Variants in EPS8 observed in about 807,000 individuals in gnomAD.
EPS8 encodes epidermal growth factor receptor kinase substrate 8.
Under a neutral mutation model 103.8 loss-of-function variants are expected in EPS8, and 42 were observed. The ratio of observed to expected loss-of-function variants is 0.40; its 90% CI spans 0.32 to 0.52. EPS8 has a LOEUF of 0.52. EPS8 is among the 20% of genes least tolerant of loss of function. The probability of loss-of-function intolerance (pLI) is 0.40; values close to 1 mark genes in which losing one functional copy is unlikely to be tolerated. For synonymous variants in EPS8, 344 were observed against 344.6 expected (o/e 1.00, Z 0.02); for missense variants, 969 against 1,005.1 (o/e 0.96, Z 0.49).
chr12:15,626,543 C>T (rs888357181), intron 18 of EPS8, among the ~76,000 whole-genome samples: 6 of 150,232 alleles, frequency 4.0e-5, no homozygotes, highest in African/African-American at 1.5e-4. Flanking sequence ...GCAGGAGAAT[C>T]TCTTGAACCC....
chr12:15,712,834 C>T (rs557080775), intron 1 of EPS8: 5 of 983,158 alleles, frequency 5.1e-6, no homozygotes, highest in Non-Finnish European at 6.0e-6. Context: ...AAAATATTAA[C>T]AAATTCAAAC....
intron 1 of EPS8, chr12:15,732,751 C>A: frequency 1.0e-6 from 1 of 981,970 alleles, no homozygotes; most frequent in South Asian, 4.7e-5. Flanking sequence ...AAAGTACTTG[C>A]CAGATTACTC....
intron 8 of EPS8, chr12:15,662,451 T>C (rs1945622684): frequency 9.9e-7 from 1 of 1,009,094 alleles, no homozygotes; most frequent in Non-Finnish European, 1.2e-6. Context: ...CAGTCAAGCT[T>C]TTACTTCTCA....
chr12:15,658,008 T>A (rs1226498314), intron 12 of EPS8, 71 bp downstream of exon 12: 1 of 905,762 alleles, frequency 1.1e-6, no homozygotes, highest in Non-Finnish European at 1.8e-6. Flanking sequence ...GCAGTCTAGA[T>A]AATCCAGACA....
In EPS8 at chr12:15,760,804, A is replaced by G. The variant is rs918513727; in HGVS notation, c.-22+28357T>C. 3.9e-5 allele frequency among the ~76,000 whole-genome samples: 6 copies of G among 152,140 alleles called. No homozygotes were observed. Among genetic ancestry groups the G allele is most frequent in the African/African-American group, 1.4e-4 (6 of 41,450 alleles). On this transcript the variant is annotated intron_variant, in intron 1 of 20. Transcript: ENST00000281172. The surrounding 1 kb of genome is among the most constrained non-coding windows in gnomAD (Gnocchi z 4.5). ...GGGAACAGAAAGAATATACCTTAAC[A>G]TAATAAAAGCCATATATGACAGTCC...
chr12:15,621,492 T>G, intron 20 of EPS8, 62 bp from the exon 21 acceptor site: 1 of 867,302 alleles, frequency 1.2e-6, no homozygotes, highest in Admixed American at 2.7e-5. Flanking sequence ...GGTCATATCA[T>G]GAAATGGCTC....
At chr12:15,786,113 A>G (rs903591764) in intron 1 of EPS8, among the ~76,000 whole-genome samples, 2 of 152,050 alleles carry the variant, frequency 1.3e-5, no homozygotes, top group African/African-American at 4.8e-5. Context: ...TTCTAAGAGC[A>G]CAGCATGAAA....
chr12:15,650,853 G>A lies in EPS8; in HGVS notation c.1404C>T (p.Arg468=). The change falls in exon 14 of 21, where the codon CGC becomes CGT. Residue 468 remains arginine, a synonymous_variant. Coordinates refer to ENST00000281172, the MANE Select transcript of EPS8 (RefSeq NM_004447.6). ...ESVANVAEHQ[R]KQEIKRLSTE... ...TGGATAATCTTTTTATTTCCTGTTT[G>A]CGCTGATGTTCTGCTACATTTGCCA... 1 of 1,613,464 alleles carries A rather than the reference G, an allele frequency of 6.2e-7. No individual in the cohort carries two copies. Among genetic ancestry groups the A allele is most frequent in the African/African-American group, 1.3e-5 (1 of 74,932 alleles).
intron 1 of EPS8, among the ~76,000 whole-genome samples, chr12:15,691,656 AG>A (rs1359821338): frequency 2.6e-5 from 4 of 152,168 alleles, no homozygotes; most frequent in African/African-American, 7.2e-5. Flanking sequence ...GCAGTTTGGC[AG>A]GAAGTTATGA....
Position 15,779,713 on chromosome 12 carries a change from A to G in EPS8, c.-22+9448T>C, listed in dbSNP as rs865819639. The stretch of plus-strand genomic sequence containing the variant: ...GTACAAACTTCTCTTCCTTCTATCA[A>G]TCTTTTTTCTCACTATTTTTTCTTT... On this transcript the variant is annotated intron_variant, in intron 1 of 20. Transcript: ENST00000281172. This position sits in a 1 kb window ranked among gnomAD's most constrained non-coding sequence, Gnocchi z 4.3. Among the ~76,000 whole-genome samples, 1 of 152,108 alleles carries G rather than the reference A, an allele frequency of 6.6e-6. No individual in the cohort carries two copies.
At position 15,764,378 on chromosome 12, in the gene EPS8, C is replaced by A. The variant is rs985864974; in HGVS notation, c.-22+24783G>T. 2.6e-5 allele frequency among the ~76,000 whole-genome samples: 4 copies of A among 152,172 alleles called. No individual in the cohort carries two copies. Among genetic ancestry groups the A allele is most frequent in the African/African-American group, 9.7e-5 (4 of 41,434 alleles). ...TATCAATCAGTCAAGTTAGAAGGAGCTGAATGACAAGTCAAGAGACAATCT... is the reference window on the plus strand; with the variant it reads ...TATCAATCAGTCAAGTTAGAAGGAGATGAATGACAAGTCAAGAGACAATCT... On this transcript the variant is annotated intron_variant, in intron 1 of 20. Transcript: ENST00000281172. This position sits in a 1 kb window ranked among gnomAD's most constrained non-coding sequence, Gnocchi z 4.1.
Position 15,771,628 on chromosome 12 carries a change from G to C in EPS8, c.-22+17533C>G, listed in dbSNP as rs1181486481. Among the ~76,000 whole-genome samples, 4 of 151,926 alleles carry C rather than the reference G, an allele frequency of 2.6e-5. No individual in the cohort carries two copies. The highest frequency in any genetic ancestry group is 4.4e-5 in the Non-Finnish European group (3 of 67,988). ...ATATGGCAGGTAAAGGAGAAGGGGG[G>C]TCATGGATGTGTTCTTCTAATGGGC... is the stretch of plus-strand genomic sequence containing the variant. On this transcript the variant is annotated intron_variant, in intron 1 of 20. Transcript: ENST00000281172. The surrounding 1 kb of genome is among the most constrained non-coding windows in gnomAD (Gnocchi z 4.6).
rs116146613 is a variant in EPS8 at position 15,739,621 on chromosome 12, C to A, written c.-22+49540G>T. 8.0e-3 allele frequency among the ~76,000 whole-genome samples: 1,217 copies of A among 152,282 alleles called. 16 individuals are homozygous for A. The highest frequency in any genetic ancestry group is 0.027 in the African/African-American group (1,137 of 41,572). On this transcript the variant is annotated intron_variant, in intron 1 of 20. Coordinates refer to ENST00000281172, the MANE Select transcript of EPS8 (RefSeq NM_004447.6). ...TCTGGTTTTTGGACCCTGAGACTCA[C>A]ACCTGCAGCTCCTCAGGCTCTTGGG...
chr12:15,667,963 A>T (rs1189880624), intron 6 of EPS8, among the ~76,000 whole-genome samples: 1 of 152,152 alleles, frequency 6.6e-6, no homozygotes, highest in East Asian at 1.9e-4. Flanking sequence ...CAGCATAGTA[A>T]CTTTTAGCTC....
At chr12:15,651,177 C>T (rs563535213) in intron 13 of EPS8, among the ~76,000 whole-genome samples, 171 bp from the exon 14 acceptor site, 3 of 152,296 alleles carry the variant, frequency 2.0e-5, no homozygotes, top group Admixed American at 1.3e-4. Context: ...AAAAAGCAAA[C>T]ATGTTTATGC....
intron 1 of EPS8, among the ~76,000 whole-genome samples, chr12:15,720,784 T>C (rs1946586762): frequency 6.6e-6 from 1 of 152,152 alleles, no homozygotes; most frequent in Admixed American, 6.6e-5. Context: ...AGCTGTGGAC[T>C]CCCTGGGCAT....
intron 1 of EPS8, among the ~76,000 whole-genome samples, chr12:15,742,933 A>T (rs2136008594): frequency 6.6e-6 from 1 of 152,332 alleles, no homozygotes; most frequent in East Asian, 1.9e-4. Context: ...ACGAGAAAGA[A>T]ATAAAAGGTA....
At position 15,714,701 on chromosome 12, in the gene EPS8, G is replaced by A. The variant is rs1946509108; in HGVS notation, c.-21-31729C>T. ...TGCTTGTTGCCAGTGCAGTATTCTT[G>A]GGGCAAATGGGAAATGGGTAAAAAA... On this transcript the variant is annotated intron_variant, in intron 1 of 20. Coordinates refer to ENST00000281172, the MANE Select transcript of EPS8 (RefSeq NM_004447.6). The surrounding 1 kb of genome is among the most constrained non-coding windows in gnomAD (Gnocchi z 4.1). 6.6e-6 allele frequency among the ~76,000 whole-genome samples: 1 copy of A among 152,124 alleles called. No homozygotes were observed. The highest frequency in any genetic ancestry group is 6.5e-5 in the Admixed American group (1 of 15,274).
Position 15,621,384 on chromosome 12 carries a change from T to C in EPS8, c.2402A>G (p.Gln801Arg), listed in dbSNP as rs756334254. ...ACTAGCGGCAGCACTGATTTTTTCC[T>C]GTCGTCTTCTCATAATTTCTTGTAA... ...SELQEIMRRR[Q>R]EKISAAASDS... Residue 801 changes from glutamine (Q) to arginine (R), a missense_variant, in exon 21 of 21, where the codon CAG becomes CGG. By Grantham distance (43) the Gln-to-Arg change is conservative (BLOSUM62 1). Coordinates refer to ENST00000281172, the MANE Select transcript of EPS8 (RefSeq NM_004447.6). 6.2e-7 allele frequency: 1 copy of C among 1,605,764 alleles called. No homozygotes were observed. The highest frequency in any genetic ancestry group is 1.1e-5 in the South Asian group (1 of 89,432).
Sources: gnomAD v4.1 joint callset for allele counts (sites outside exome capture counted in the v4.1 genomes callset) on GRCh38, gnomAD v4.1.1 for gene constraint, Gnocchi (gnomAD v3.1) non-coding constraint, MANE v1.5 for transcripts, NCBI Gene and HGNC (gene_info 2026-07-23, HGNC 2026-07-21) for gene names.